The following LUZP2 variants were observed in gnomAD, a reference collection of about 807,000 sequenced individuals.
The protein encoded by LUZP2 is leucine zipper protein 2.
LUZP2 carries 52 observed loss-of-function variants against 51.6 expected under a neutral mutation model. The observed-to-expected ratio is 1.01, with a 90% CI of 0.81 to 1.27. The LOEUF is 1.27. Ranked by LOEUF, LUZP2 falls within the 50% of genes most tolerant of loss-of-function variation. The probability of loss-of-function intolerance (pLI) is 0.00; values close to 1 mark genes in which losing one functional copy is unlikely to be tolerated. For synonymous variants in LUZP2, 154 were observed against 137.3 expected (o/e 1.12, Z -0.85); for missense variants, 436 against 395.4 (o/e 1.10, Z -0.87).
At chr11:24,605,499 C>G (rs1022571072) in intron 1 of LUZP2, among the ~76,000 whole-genome samples, 1 of 151,394 alleles carries the variant, frequency 6.6e-6, no homozygotes, top group Non-Finnish European at 1.5e-5. Context: ...ATGAATATAT[C>G]TCAATATTTT....
chr11:24,804,552 C>T (rs929191431), intron 5 of LUZP2, among the ~76,000 whole-genome samples: 8 of 152,140 alleles, frequency 5.3e-5, no homozygotes, highest in African/African-American at 1.9e-4. Context: ...TAAGGATGAT[C>T]TAATGGTAAC....
intron 9 of LUZP2, among the ~76,000 whole-genome samples, chr11:25,039,156 A>G (rs1364496566): frequency 6.6e-6 from 1 of 152,066 alleles, no homozygotes; most frequent in Non-Finnish European, 1.5e-5. Flanking sequence ...TTGTTGTTAG[A>G]TCTTTCAGGT....
chr11:25,009,722 C>A (rs995687628), intron 9 of LUZP2, among the ~76,000 whole-genome samples: 4 of 152,104 alleles, frequency 2.6e-5, no homozygotes, highest in African/African-American at 7.2e-5. Context: ...TTAACACATT[C>A]TTTACATTTA....
At chr11:24,670,655 T>G (rs1418985581) in intron 1 of LUZP2, among the ~76,000 whole-genome samples, 1 of 152,004 alleles carries the variant, frequency 6.6e-6, no homozygotes, top group Non-Finnish European at 1.5e-5. Context: ...CTAATCAGTT[T>G]TGACTTCCAG....
intron 4 of LUZP2, chr11:24,751,438 C>T (rs1859584418): frequency 9.0e-6 from 2 of 221,694 alleles, no homozygotes; most frequent in Admixed American, 6.5e-5. Flanking sequence ...GTATCACCTT[C>T]TGTCCCTTCC....
At chr11:24,498,285 T>G (rs1413449700) in intron 1 of LUZP2, among the ~76,000 whole-genome samples, 1 of 152,210 alleles carries the variant, frequency 6.6e-6, no homozygotes, top group Non-Finnish European at 1.5e-5. Flanking sequence ...AAACATTATT[T>G]GATTGTGCAT....
chr11:24,548,003 T>A (rs1447778597), intron 1 of LUZP2, among the ~76,000 whole-genome samples: 1 of 151,978 alleles, frequency 6.6e-6, no homozygotes, highest in Non-Finnish European at 1.5e-5. Flanking sequence ...CAATGAGATA[T>A]CATCTCATAC....
intron 10 of LUZP2, among the ~76,000 whole-genome samples, chr11:25,076,829 G>T (rs920903220): frequency 6.7e-5 from 10 of 149,742 alleles, no homozygotes; most frequent in African/African-American, 2.5e-4. Context: ...AGATATTCTG[G>T]CCAGTAAAAT....
chr11:24,872,300 A>G (rs1344475645), intron 5 of LUZP2, among the ~76,000 whole-genome samples: 1 of 152,086 alleles, frequency 6.6e-6, no homozygotes, highest in African/African-American at 2.4e-5. Context: ...TTCTTCTAAT[A>G]TGCTCTGCAC....
At chr11:24,967,968 A>G (rs1005860940) in intron 7 of LUZP2, among the ~76,000 whole-genome samples, 1 of 152,100 alleles carries the variant, frequency 6.6e-6, no homozygotes, top group Non-Finnish European at 1.5e-5. Flanking sequence ...GAGACTCTGT[A>G]TTTTATCTCT....
intron 4 of LUZP2, among the ~76,000 whole-genome samples, chr11:24,757,689 G>T (rs1457123257): frequency 2.0e-5 from 3 of 151,720 alleles, no homozygotes; most frequent in South Asian, 4.2e-4. Context: ...AAAGAAAAAA[G>T]GTTATGATAA....
chr11:24,786,616 TTATAA>T (rs200688903), intron 5 of LUZP2: 1,986 of 191,778 alleles, frequency 0.01, 50 homozygotes, highest in African/African-American at 0.047. Flanking sequence ...TATTAATAAA[TTATAA>T]TATATGCATT....
intron 5 of LUZP2, chr11:24,892,682 A>G (rs1417696165): frequency 6.4e-6 from 1 of 156,474 alleles, no homozygotes; most frequent in African/African-American, 2.4e-5. Context: ...TTTTATACAT[A>G]AGAGCTACAG....
chr11:24,504,242 G>T (rs2133757954), intron 1 of LUZP2, among the ~76,000 whole-genome samples: 1 of 152,256 alleles, frequency 6.6e-6, no homozygotes, highest in South Asian at 2.1e-4. Flanking sequence ...TGAAACTGTG[G>T]TATTTCTCAA....
At chr11:24,732,216 T>G (rs1432434996) in intron 3 of LUZP2, 28 bp downstream of exon 3, 1 of 1,527,460 alleles carries the variant, frequency 6.5e-7, no homozygotes, top group Non-Finnish European at 9.0e-7. Flanking sequence ...TTCTTAGTTA[T>G]TTCTGCCATA....
intron 1 of LUZP2, among the ~76,000 whole-genome samples, chr11:24,692,081 G>A (rs1355879342): frequency 6.6e-6 from 1 of 151,556 alleles, no homozygotes; most frequent in Non-Finnish European, 1.5e-5. Flanking sequence ...ATGCTTACAT[G>A]GCATTTTACG....
intron 1 of LUZP2, among the ~76,000 whole-genome samples, chr11:24,587,076 T>C (rs1013826639): frequency 3.3e-5 from 5 of 152,140 alleles, no homozygotes; most frequent in Admixed American, 2.6e-4. Flanking sequence ...ACTACTTTCC[T>C]TGCAGAAAAT....
chr11:25,030,398 T>C (rs1392219301), intron 9 of LUZP2, among the ~76,000 whole-genome samples: 1 of 152,134 alleles, frequency 6.6e-6, no homozygotes, highest in Non-Finnish European at 1.5e-5. Context: ...GCTAAAACCA[T>C]TCTGTTTCAT....
chr11:25,054,417 T>C (rs181239748), intron 10 of LUZP2, among the ~76,000 whole-genome samples: 4 of 152,332 alleles, frequency 2.6e-5, no homozygotes, highest in South Asian at 2.1e-4. Flanking sequence ...TGATTTTTTT[T>C]CTTATGGTTT....
Sources: gnomAD v4.1 joint callset for allele counts (sites outside exome capture counted in the v4.1 genomes callset) on GRCh38, gnomAD v4.1.1 for gene constraint, MANE v1.5 for transcripts, NCBI Gene and HGNC (gene_info 2026-07-23, HGNC 2026-07-21) for gene names.